The following CFAP299 variants were observed in gnomAD, a reference collection of about 807,000 sequenced individuals.
The protein encoded by CFAP299 is cilia and flagella associated protein 299.
CFAP299 carries 21 observed loss-of-function variants against 27.0 expected under a neutral mutation model. That is an observed-to-expected ratio of 0.78 (90% CI 0.55 to 1.12). The LOEUF (loss-of-function observed/expected upper bound fraction) is 1.12. CFAP299 is among the 50% of genes most tolerant of loss of function. CFAP299 has a pLI of 0.00. For missense variants in CFAP299, 310 were observed against 276.6 expected (o/e 1.12, Z -0.86); for synonymous variants, 104 against 98.1 (o/e 1.06, Z -0.36).
chr4:80,424,953 G>A (rs1727464288), intron 2 of CFAP299, among the ~76,000 whole-genome samples: 1 of 152,128 alleles, frequency 6.6e-6, no homozygotes, highest in Admixed American at 6.5e-5. Flanking sequence ...CACGGATAGT[G>A]TAGAAGGAAT....
At chr4:80,873,063 C>T in intron 4 of CFAP299, 2 of 921,658 alleles carry the variant, frequency 2.2e-6, no homozygotes, top group Non-Finnish European at 2.6e-6. Context: ...CATAAATATA[C>T]TGTCTTATAG....
At chr4:80,668,588 T>C (rs1183572334) in intron 3 of CFAP299, among the ~76,000 whole-genome samples, 3 of 152,202 alleles carry the variant, frequency 2.0e-5, no homozygotes, top group Non-Finnish European at 2.9e-5. Context: ...TATTGGAAAC[T>C]TTGTTGAAAA....
chr4:80,446,309 G>A (rs1356878028), intron 2 of CFAP299, among the ~76,000 whole-genome samples: 1 of 152,200 alleles, frequency 6.6e-6, no homozygotes, highest in East Asian at 1.9e-4. Flanking sequence ...ATTGGATATA[G>A]CCATTCAATG....
intron 3 of CFAP299, among the ~76,000 whole-genome samples, chr4:80,843,191 G>A (rs532522031): frequency 1.6e-4 from 25 of 151,654 alleles, no homozygotes; most frequent in Middle Eastern, 6.8e-3. Context: ...TTAACTCGTC[G>A]TTTACATTAG....
At chr4:80,701,328 T>C (rs1287436005) in intron 3 of CFAP299, among the ~76,000 whole-genome samples, 1 of 152,020 alleles carries the variant, frequency 6.6e-6, no homozygotes, top group Non-Finnish European at 1.5e-5. Context: ...ATTATTGGTA[T>C]TAAAAATATC....
At chr4:80,873,891 C>T (rs1733238802) in intron 4 of CFAP299, among the ~76,000 whole-genome samples, 1 of 152,126 alleles carries the variant, frequency 6.6e-6, no homozygotes, top group African/African-American at 2.4e-5. Context: ...TTAGAGCTTC[C>T]ATGAAATATT....
intron 3 of CFAP299, among the ~76,000 whole-genome samples, chr4:80,766,904 G>T (rs989877136): frequency 1.3e-5 from 2 of 152,156 alleles, no homozygotes; most frequent in Non-Finnish European, 2.9e-5. Context: ...GTATTTATGT[G>T]TATGTGTATG....
At chr4:80,855,858 A>G (rs548287174) in intron 3 of CFAP299, among the ~76,000 whole-genome samples, 1 of 151,922 alleles carries the variant, frequency 6.6e-6, no homozygotes, top group Non-Finnish European at 1.5e-5. Context: ...ATAGTGCCGC[A>G]ATAAACATAC....
chr4:80,733,489 A>T (rs1164329146), intron 3 of CFAP299, among the ~76,000 whole-genome samples: 2 of 152,050 alleles, frequency 1.3e-5, no homozygotes, highest in Admixed American at 6.6e-5. Flanking sequence ...TTTAGTTTTA[A>T]AATGTGCAAT....
intron 3 of CFAP299, among the ~76,000 whole-genome samples, chr4:80,794,500 T>C (rs1251428089): frequency 6.6e-6 from 1 of 152,158 alleles, no homozygotes; most frequent in African/African-American, 2.4e-5. Context: ...TGCAAAGCAC[T>C]GTCACGTAGT....
rs113296490 is a variant in CFAP299, at chr4:80,559,498, G to A, written c.243-23595G>A. Among the ~76,000 whole-genome samples the A allele has an allele frequency of 2.4e-3, 370 of 152,198 alleles. 2 individuals carry two copies. Among genetic ancestry groups the A allele is most frequent in the African/African-American group, 8.4e-3 (347 of 41,544 alleles). ...ACAACTACCTCCACAGAAAAAAAGCGCCTGTGTAAGAACCAAAAATCATGT... is the reference window on the plus strand; with the variant it reads ...ACAACTACCTCCACAGAAAAAAAGCACCTGTGTAAGAACCAAAAATCATGT... On this transcript the variant is annotated intron_variant, in intron 2 of 5. Coordinates refer to ENST00000358105, the MANE Select transcript of CFAP299 (RefSeq NM_152770.3).
At chr4:80,692,370 G>A (rs1302867966) in intron 3 of CFAP299, among the ~76,000 whole-genome samples, 4 of 152,148 alleles carry the variant, frequency 2.6e-5, no homozygotes, top group Non-Finnish European at 5.9e-5. Flanking sequence ...GAACAGAACA[G>A]AGCCCTCAGA....
chr4:80,693,065 G>A (rs1373555611), intron 3 of CFAP299, among the ~76,000 whole-genome samples: 4 of 152,288 alleles, frequency 2.6e-5, no homozygotes, highest in African/African-American at 9.6e-5. Context: ...TGGACAGGAT[G>A]TGGAAAATAG....
intron 3 of CFAP299, among the ~76,000 whole-genome samples, chr4:80,842,382 G>T (rs537744784): frequency 6.6e-6 from 1 of 152,226 alleles, no homozygotes; most frequent in African/African-American, 2.4e-5. Flanking sequence ...GAACAATAGT[G>T]AAGACAACAG....
At chr4:80,923,520 C>A (rs1017912648) in intron 4 of CFAP299, among the ~76,000 whole-genome samples, 1 of 152,030 alleles carries the variant, frequency 6.6e-6, no homozygotes, top group African/African-American at 2.4e-5. Context: ...TGTGTGTGTG[C>A]ATGAATATGT....
intron 2 of CFAP299, among the ~76,000 whole-genome samples, chr4:80,471,378 T>C (rs1240572375): frequency 6.6e-6 from 1 of 151,804 alleles, no homozygotes. Context: ...GGTATATTTA[T>C]TGGTAATGTT....
intron 2 of CFAP299, among the ~76,000 whole-genome samples, chr4:80,532,838 A>G (rs530064446): frequency 2.8e-4 from 42 of 152,236 alleles, no homozygotes; most frequent in Admixed American, 1.3e-4. Context: ...AAACTCTGCA[A>G]AGCTAGCAGT....
At chr4:80,639,403 G>T (rs1357160724) in intron 3 of CFAP299, among the ~76,000 whole-genome samples, 2 of 152,192 alleles carry the variant, frequency 1.3e-5, no homozygotes, top group African/African-American at 4.8e-5. Context: ...GAAGATATAG[G>T]TAAGGGGATA....
At chr4:80,923,486 G>T (rs1342063962) in intron 4 of CFAP299, among the ~76,000 whole-genome samples, 1 of 151,950 alleles carries the variant, frequency 6.6e-6, no homozygotes, top group African/African-American at 2.4e-5. Flanking sequence ...TCTCAAACAT[G>T]AAAATGACTA....
Sources: gnomAD v4.1 joint callset for allele counts (sites outside exome capture counted in the v4.1 genomes callset) on GRCh38, gnomAD v4.1.1 for gene constraint, MANE v1.5 for transcripts, NCBI Gene and HGNC (gene_info 2026-07-23, HGNC 2026-07-21) for gene names.